Variants in LRRC4C observed in about 807,000 individuals in gnomAD.
The protein encoded by LRRC4C is leucine-rich repeat-containing protein 4C.
LRRC4C carries 5 observed loss-of-function variants against 33.6 expected under a neutral mutation model. That is an observed-to-expected ratio of 0.15 (90% CI 0.08 to 0.31). The LOEUF (loss-of-function observed/expected upper bound fraction) is 0.31, where lower values mean the gene tolerates loss of function less well. LRRC4C is among the 10% of genes least tolerant of loss of function. LRRC4C has a pLI of 1.00. For synonymous variants in LRRC4C, 329 were observed against 302.0 expected (o/e 1.09, Z -0.93); for missense variants, 560 against 796.7 (o/e 0.70, Z 3.58).
chr11:40,334,523 C>G (rs1172724475), intron 3 of LRRC4C, among the ~76,000 whole-genome samples: 2 of 152,160 alleles, frequency 1.3e-5, no homozygotes, highest in African/African-American at 4.8e-5. Flanking sequence ...TGTCTACCTT[C>G]TATCTCATTA....
Position 41,130,253 on chromosome 11 carries a change from T to A in LRRC4C, c.-495-196530A>T, listed in dbSNP as rs191956549. 4.7e-4 allele frequency among the ~76,000 whole-genome samples: 72 copies of A among 152,136 alleles called. 1 individual carries two copies. The highest frequency in any genetic ancestry group is 1.7e-3 in the African/African-American group (71 of 41,556). Reference sequence around the variant, plus strand: ...CTACATTTAAGCAATTGCTAATTCCTATGTTCTAGCTTAAAAGTATCCATT... The same window carrying A: ...CTACATTTAAGCAATTGCTAATTCCAATGTTCTAGCTTAAAAGTATCCATT... On this transcript the variant is annotated intron_variant, in intron 1 of 6. Transcript: ENST00000528697.
chr11:41,320,073 C>A (rs1290281057), intron 1 of LRRC4C, among the ~76,000 whole-genome samples: 2 of 151,904 alleles, frequency 1.3e-5, no homozygotes, highest in African/African-American at 2.4e-5. Flanking sequence ...ACTATGGTAA[C>A]CAATCTGTCT....
At chr11:40,282,431 T>C (rs189882133) in intron 4 of LRRC4C, among the ~76,000 whole-genome samples, 1 of 152,204 alleles carries the variant, frequency 6.6e-6, no homozygotes, top group Non-Finnish European at 1.5e-5. Flanking sequence ...TCATAAGGAA[T>C]GTAGTGGTCA....
intron 1 of LRRC4C, among the ~76,000 whole-genome samples, chr11:41,431,304 G>T (rs1163464788): frequency 6.6e-6 from 1 of 151,802 alleles, no homozygotes; most frequent in Non-Finnish European, 1.5e-5. Flanking sequence ...TATACATTAG[G>T]AAAAATTTCA....
intron 5 of LRRC4C, among the ~76,000 whole-genome samples, chr11:40,193,462 A>G (rs1862011322): frequency 6.6e-6 from 1 of 152,208 alleles, no homozygotes; most frequent in Non-Finnish European, 1.5e-5. Flanking sequence ...TACCAACATC[A>G]AAGACCAAAG....
At chr11:40,287,245 A>G (rs1943902659) in intron 4 of LRRC4C, among the ~76,000 whole-genome samples, 1 of 133,852 alleles carries the variant, frequency 7.5e-6, no homozygotes, top group African/African-American at 2.8e-5. Flanking sequence ...GAAGCAACTT[A>G]ATGTCACTGT....
intron 3 of LRRC4C, among the ~76,000 whole-genome samples, chr11:40,538,467 CT>C (rs1565485217): frequency 4.6e-5 from 7 of 152,130 alleles, no homozygotes; most frequent in African/African-American, 1.4e-4. Flanking sequence ...TGAACTTATC[CT>C]TTTTTGTGGC....
At chr11:40,215,498 G>T (rs1265780895) in intron 5 of LRRC4C, among the ~76,000 whole-genome samples, 1 of 152,172 alleles carries the variant, frequency 6.6e-6, no homozygotes, top group Non-Finnish European at 1.5e-5. Context: ...GGGTGAAACA[G>T]GCTTTTAAAT....
intron 3 of LRRC4C, among the ~76,000 whole-genome samples, chr11:40,463,305 GGTGTGT>G (rs33911904): frequency 0.016 from 2,267 of 144,536 alleles, 42 homozygotes; most frequent in African/African-American, 0.044. Context: ...ATGTGTTACT[GGTGTGT>G]GTGTGTGTGT....
chr11:40,974,738 C>A lies in LRRC4C; in HGVS notation c.-495-41015G>T, dbSNP rs531948773. Among the ~76,000 whole-genome samples the A allele has an allele frequency of 7.9e-5, 12 of 152,296 alleles. No individual in the cohort carries two copies. In the South Asian group the frequency reaches 2.3e-3, roughly 29 times the overall value. On this transcript the variant is annotated intron_variant, in intron 1 of 6. Transcript: ENST00000528697. ...GATTCAGTGGACTAAGTGGGGAAAA[C>A]TGCCTGCAGTGTGAGTGGATATCAA...
chr11:41,227,647 G>A (rs992011324), intron 1 of LRRC4C, among the ~76,000 whole-genome samples: 2 of 151,972 alleles, frequency 1.3e-5, no homozygotes, highest in Non-Finnish European at 2.9e-5. Context: ...CTATAGCCAC[G>A]TGTCTCTACC....
At chr11:40,851,163 G>A (rs1362469874) in intron 2 of LRRC4C, among the ~76,000 whole-genome samples, 18 of 151,570 alleles carry the variant, frequency 1.2e-4, no homozygotes, top group South Asian at 2.1e-4. Context: ...CTTTCCAGGC[G>A]TCACTGGGGT....
intron 1 of LRRC4C, among the ~76,000 whole-genome samples, chr11:41,123,261 G>T (rs10837575): frequency 0.23 from 10,910 of 47,112 alleles, 1,139 homozygotes; most frequent in African/African-American, 0.28. Context: ...GCTATGTTTT[G>T]TTTTTTTTTT....
At chr11:40,995,068 A>G (rs1023948556) in intron 1 of LRRC4C, among the ~76,000 whole-genome samples, 4 of 152,168 alleles carry the variant, frequency 2.6e-5, no homozygotes, top group Non-Finnish European at 4.4e-5. Flanking sequence ...ACATTTCTCA[A>G]AAACATTCTA....
At chr11:40,816,184 T>A (rs796941563) in intron 2 of LRRC4C, among the ~76,000 whole-genome samples, 4 of 152,304 alleles carry the variant, frequency 2.6e-5, no homozygotes, top group African/African-American at 9.6e-5. Context: ...CATGTTTCTT[T>A]TTGGGATGCA....
At chr11:40,475,546 C>T (rs957452166) in intron 3 of LRRC4C, among the ~76,000 whole-genome samples, 1 of 151,962 alleles carries the variant, frequency 6.6e-6, no homozygotes, top group Non-Finnish European at 1.5e-5. Context: ...AAGTGTATAC[C>T]TCTGTAACAA....
chr11:41,135,400 T>C (rs78593604), intron 1 of LRRC4C, among the ~76,000 whole-genome samples: 2,414 of 152,180 alleles, frequency 0.016, 56 homozygotes, highest in African/African-American at 0.055. Context: ...TTTGGGAGTA[T>C]CTGAAGTATG....
At chr11:40,958,162 C>T (rs1270267733) in intron 1 of LRRC4C, among the ~76,000 whole-genome samples, 2 of 151,690 alleles carry the variant, frequency 1.3e-5, no homozygotes, top group Non-Finnish European at 3.0e-5. Flanking sequence ...ATCCTAGATT[C>T]TAGAACTGGG....
rs968351942 is a variant in LRRC4C at position 40,825,949 on chromosome 11, G to C, written c.-407+107686C>G. On this transcript the variant is annotated intron_variant, in intron 2 of 6. Coordinates refer to ENST00000528697, the MANE Select transcript of LRRC4C (RefSeq NM_001258419.2). ...TTCACATATTGTATTCTGGGGGGGGGGCGTCTCACATATATTCAATGAGTA... is the reference window on the plus strand; with the variant it reads ...TTCACATATTGTATTCTGGGGGGGGCGCGTCTCACATATATTCAATGAGTA... Among the ~76,000 whole-genome samples, 68 of 65,636 alleles carry C rather than the reference G, an allele frequency of 1.0e-3. 1 individual carries two copies. The highest frequency in any genetic ancestry group is 6.4e-4 in the South Asian group (1 of 1,570). 43.1% of individuals were successfully genotyped at this position (65,636 alleles called of 152,430 possible).
Sources: gnomAD v4.1 joint callset for allele counts (sites outside exome capture counted in the v4.1 genomes callset) on GRCh38, gnomAD v4.1.1 for gene constraint, MANE v1.5 for transcripts, NCBI Gene and HGNC (gene_info 2026-07-23, HGNC 2026-07-21) for gene names.